The following RBFOX1 variants were observed in gnomAD, a reference collection of about 807,000 sequenced individuals.
The protein encoded by RBFOX1 is RNA binding protein fox-1 homolog 1.
Under a neutral mutation model 57.7 loss-of-function variants are expected in RBFOX1, and 8 were observed. The ratio of observed to expected loss-of-function variants is 0.14; its 90% CI spans 0.08 to 0.25. The LOEUF (loss-of-function observed/expected upper bound fraction) is 0.25. Among genes scored for constraint, RBFOX1 ranks in the 10% least tolerant of loss-of-function variants. The probability of loss-of-function intolerance (pLI) is 1.00; values close to 1 mark genes in which losing one functional copy is unlikely to be tolerated. For synonymous variants in RBFOX1, 326 were observed against 222.4 expected, an observed-to-expected ratio of 1.47 and a Z score of -4.15; for missense variants, 611 against 548.5, an observed-to-expected ratio of 1.11 and a Z score of -1.14.
intron 3 of RBFOX1, among the ~76,000 whole-genome samples, chr16:5,619,668 CTCTGCCCAGCTGT>C (rs979666964): frequency 3.3e-5 from 5 of 152,186 alleles, no homozygotes; most frequent in Non-Finnish European, 7.3e-5. Flanking sequence ...GGGCCTGCAT[CTCTGCCCAGCTGT>C]TGCCAGAAAC....
rs114650522 is a variant in RBFOX1 at position 5,843,858 on chromosome 16, A to G, written c.319-23445A>G. On this transcript the variant is annotated intron_variant, in intron 3 of 19. Transcript: ENST00000641259. ...CCAATGAGAGAACACAAAGAGGAAC[A>G]AGGAGAGAAGTATGCAGCAAGCTCC... Among the ~76,000 whole-genome samples, 394 of 152,318 alleles carry G rather than the reference A, an allele frequency of 2.6e-3. 1 individual carries two copies. Among genetic ancestry groups the G allele is most frequent in the African/African-American group, 8.8e-3 (365 of 41,576 alleles).
In RBFOX1 at chr16:7,653,910, G is replaced by C; in HGVS notation, c.853G>C (p.Ala285Pro). 1.9e-6 allele frequency: 3 copies of C among 1,577,896 alleles called. No individual in the cohort carries two copies. Among genetic ancestry groups the C allele is most frequent in the Non-Finnish European group, 2.6e-6 (3 of 1,167,904 alleles). ...RGRTVYNTFR[A>P]AAPPPPIPAY... ...TCGCACCGTGTACAACACCTTCAGG[G>C]CCGCGGCGCCCCCGCCCCCGATCCC... Residue 285 changes from alanine to proline, a missense_variant, in exon 12 of 16, where the codon GCC becomes CCC. Ala to Pro is a conservative substitution (Grantham distance 27). Coordinates refer to ENST00000550418, the MANE Select transcript of RBFOX1 (RefSeq NM_018723.4).
At chr16:7,616,226 G>C (rs1294018287) in intron 10 of RBFOX1, among the ~76,000 whole-genome samples, 1 of 152,214 alleles carries the variant, frequency 6.6e-6, no homozygotes, top group African/African-American at 2.4e-5. Flanking sequence ...AATTAGCAAA[G>C]AGGAAAAGTA....
chr16:6,184,913 T>G (rs72774585), intron 1 of RBFOX1, among the ~76,000 whole-genome samples: 195 of 152,240 alleles, frequency 1.3e-3, no homozygotes, highest in Non-Finnish European at 2.3e-3. Context: ...GAAGTGCTAG[T>G]TCCAAGATGG....
At chr16:7,559,534 G>A (rs560649275) in intron 5 of RBFOX1, among the ~76,000 whole-genome samples, 11 of 152,234 alleles carry the variant, frequency 7.2e-5, no homozygotes, top group East Asian at 1.9e-4. Flanking sequence ...GAAAACACAG[G>A]CCTTGCAAAT....
rs922190841 is a variant in RBFOX1, at chr16:5,955,016, C to G, written c.351+87681C>G. 1.4e-5 allele frequency among the ~76,000 whole-genome samples: 2 copies of G among 147,242 alleles called. 1 individual carries two copies. Among genetic ancestry groups the G allele is most frequent in the South Asian group, 4.4e-4 (2 of 4,572 alleles). The stretch of plus-strand genomic sequence containing the variant: ...GTCTTTCTAGCTGGACGTGGCAGCT[C>G]ATCCTTGTAATCCCAGCACTTGCGG... On this transcript the variant is annotated intron_variant, in intron 4 of 19. Transcript: ENST00000641259.
chr16:6,097,369 A>C lies in RBFOX1; in HGVS notation c.-127+77377A>C, dbSNP rs568544000. Among the ~76,000 whole-genome samples the C allele has an allele frequency of 1.5e-3, 225 of 152,122 alleles. 2 individuals are homozygous for C. Among genetic ancestry groups the C allele is most frequent in the Non-Finnish European group, 2.7e-3 (183 of 67,992 alleles). ...GGATATTAAAATTTTGCAAGCCGCCACTCTAGAGAAGTACCACTCAAACCA... is the reference window on the plus strand; with the variant it reads ...GGATATTAAAATTTTGCAAGCCGCCCCTCTAGAGAAGTACCACTCAAACCA... On this transcript the variant is annotated intron_variant, in intron 1 of 15. Transcript: ENST00000550418. This position sits in a 1 kb window ranked among gnomAD's most constrained non-coding sequence, Gnocchi z 5.0.
At chr16:6,569,930 T>C (rs2097321872) in intron 2 of RBFOX1, among the ~76,000 whole-genome samples, 1 of 152,234 alleles carries the variant, frequency 6.6e-6, no homozygotes, top group Non-Finnish European at 1.5e-5. Context: ...AATTCACTTG[T>C]CCTCAATAAT....
At chr16:5,666,504 C>G (rs2049849346) in intron 3 of RBFOX1, among the ~76,000 whole-genome samples, 1 of 152,180 alleles carries the variant, frequency 6.6e-6, no homozygotes, top group Admixed American at 6.5e-5. Context: ...ATGGACAAGA[C>G]AGACCAAATA....
intron 4 of RBFOX1, among the ~76,000 whole-genome samples, chr16:7,247,109 A>T (rs1337372389): frequency 1.3e-5 from 2 of 152,198 alleles, no homozygotes; most frequent in Admixed American, 6.5e-5. Flanking sequence ...TCTGCAGGTC[A>T]GCTGGCCCTC....
At chr16:6,880,241 A>G (rs142773297) in intron 3 of RBFOX1, among the ~76,000 whole-genome samples, 64 of 152,298 alleles carry the variant, frequency 4.2e-4, no homozygotes, top group African/African-American at 1.4e-3. Flanking sequence ...CAACATGACA[A>G]GAAGGGAAAG....
At chr16:5,341,866 AGCT>A (rs940335336) in intron 1 of RBFOX1, among the ~76,000 whole-genome samples, 3 of 152,134 alleles carry the variant, frequency 2.0e-5, no homozygotes, top group Admixed American at 1.3e-4. Flanking sequence ...ATCCCAGCAG[AGCT>A]GCTGTGTAAG....
At chr16:6,979,871 C>T (rs1271209748) in intron 3 of RBFOX1, among the ~76,000 whole-genome samples, 1 of 152,102 alleles carries the variant, frequency 6.6e-6, no homozygotes, top group African/African-American at 2.4e-5. Context: ...CTTTGTGAGC[C>T]TCCTGGGCAT....
At chr16:6,318,150 A>G (rs1029130481) in intron 2 of RBFOX1, among the ~76,000 whole-genome samples, 3 of 144,134 alleles carry the variant, frequency 2.1e-5, no homozygotes, top group African/African-American at 7.3e-5. Context: ...AGAACTAAAA[A>G]GATGGTGTAT....
At chr16:7,216,102 G>C (rs1462648730) in intron 4 of RBFOX1, among the ~76,000 whole-genome samples, 14 of 152,086 alleles carry the variant, frequency 9.2e-5, no homozygotes, top group Non-Finnish European at 2.9e-5. Flanking sequence ...ATGCTTACGG[G>C]GTTCATCCAT....
At chr16:5,490,249 C>G (rs1006574140) in intron 2 of RBFOX1, among the ~76,000 whole-genome samples, 4 of 152,226 alleles carry the variant, frequency 2.6e-5, no homozygotes, top group Non-Finnish European at 5.9e-5. Context: ...CAGTTACATC[C>G]CAAGGCAGAC....
intron 3 of RBFOX1, among the ~76,000 whole-genome samples, chr16:6,842,036 G>A (rs377245763): frequency 3.3e-5 from 5 of 151,776 alleles, no homozygotes; most frequent in Non-Finnish European, 5.9e-5. Context: ...CCAGCTACAC[G>A]GGAGGCTGAG....
intron 4 of RBFOX1, among the ~76,000 whole-genome samples, chr16:7,270,620 C>T (rs1302759559): frequency 1.3e-5 from 2 of 152,132 alleles, no homozygotes; most frequent in Non-Finnish European, 2.9e-5. Flanking sequence ...TCTTAAAATT[C>T]AGTGTTTAAA....
At chr16:6,564,070 T>C (rs1419399397) in intron 2 of RBFOX1, among the ~76,000 whole-genome samples, 1 of 152,050 alleles carries the variant, frequency 6.6e-6, no homozygotes, top group Non-Finnish European at 1.5e-5. Context: ...TCCACCAACC[T>C]TAACCTCACA....
Sources: gnomAD v4.1 joint callset for allele counts (sites outside exome capture counted in the v4.1 genomes callset) on GRCh38, gnomAD v4.1.1 for gene constraint, Gnocchi (gnomAD v3.1) non-coding constraint, MANE v1.5 for transcripts, NCBI Gene and HGNC (gene_info 2026-07-23, HGNC 2026-07-21) for gene names.